Variants in RBFOX1 observed in about 807,000 individuals in gnomAD.
RBFOX1 encodes RNA binding protein fox-1 homolog 1.
RBFOX1 carries 8 observed loss-of-function variants against 57.7 expected under a neutral mutation model. That is an observed-to-expected ratio of 0.14 (90% confidence interval 0.08 to 0.25). The LOEUF is 0.25. Ranked by LOEUF, RBFOX1 falls within the 10% of genes least tolerant of loss-of-function variation. RBFOX1 has a pLI of 1.00. For missense variants in RBFOX1, 611 were observed against 548.5 expected (o/e 1.11, Z -1.14); for synonymous variants, 326 against 222.4 (o/e 1.47, Z -4.15).
intron 3 of RBFOX1, among the ~76,000 whole-genome samples, chr16:6,852,969 C>G (rs757326414): frequency 1.3e-5 from 2 of 152,248 alleles, no homozygotes; most frequent in Non-Finnish European, 1.5e-5. Context: ...ATCAAGAGAC[C>G]ATGTGAGCCC....
At chr16:6,284,790 A>G (rs775700062) in intron 1 of RBFOX1, among the ~76,000 whole-genome samples, 3 of 152,124 alleles carry the variant, frequency 2.0e-5, no homozygotes, top group Non-Finnish European at 4.4e-5. Context: ...TAGGTGGTTT[A>G]TGCTAGGTTG....
intron 13 of RBFOX1, among the ~76,000 whole-genome samples, chr16:7,673,120 T>C (rs1045394069): frequency 6.6e-6 from 1 of 152,066 alleles, no homozygotes; most frequent in South Asian, 2.1e-4. Flanking sequence ...ACGTACATGT[T>C]ACAGTCCTAC....
chr16:6,724,551 A>C (rs376544206), intron 3 of RBFOX1, among the ~76,000 whole-genome samples: 1 of 151,874 alleles, frequency 6.6e-6, no homozygotes, highest in African/African-American at 2.4e-5. Flanking sequence ...CCAGACACCA[A>C]ATCTACCAGG....
At chr16:6,501,953 G>A (rs1271232307) in intron 2 of RBFOX1, among the ~76,000 whole-genome samples, 8 of 152,156 alleles carry the variant, frequency 5.3e-5, no homozygotes, top group Non-Finnish European at 1.2e-4. Context: ...GAACAAAATA[G>A]ATAAGATTTC....
At chr16:7,294,727 C>A (rs748608638) in intron 4 of RBFOX1, among the ~76,000 whole-genome samples, 7 of 151,926 alleles carry the variant, frequency 4.6e-5, no homozygotes, top group African/African-American at 1.5e-4. Flanking sequence ...TAGAGTAGTT[C>A]TTCACAAAAG....
intron 3 of RBFOX1, among the ~76,000 whole-genome samples, chr16:6,931,325 CTATCTATCTATCTCT>C: frequency 7.9e-6 from 1 of 127,200 alleles, no homozygotes; most frequent in East Asian, 2.3e-4. Context: ...ATCTATCTAT[CTATCTATCTATCTCT>C]ACACACACAC....
chr16:7,061,641 C>T (rs2054315546), intron 4 of RBFOX1, among the ~76,000 whole-genome samples: 1 of 152,162 alleles, frequency 6.6e-6, no homozygotes. Context: ...TTTAATTTAG[C>T]CTATTATCCC....
chr16:6,403,380 A>T (rs1042257139), intron 2 of RBFOX1, among the ~76,000 whole-genome samples: 8 of 151,806 alleles, frequency 5.3e-5, no homozygotes, highest in African/African-American at 9.7e-5. Flanking sequence ...CTTTTTTTTT[A>T]AATAGAGGAT....
At chr16:7,346,659 G>A (rs1271738195) in intron 4 of RBFOX1, among the ~76,000 whole-genome samples, 1 of 151,904 alleles carries the variant, frequency 6.6e-6, no homozygotes, top group Non-Finnish European at 1.5e-5. Flanking sequence ...AAGCCTTTGT[G>A]TTCAGATCTG....
chr16:5,980,890 C>G (rs2060158776), intron 4 of RBFOX1, among the ~76,000 whole-genome samples: 2 of 152,154 alleles, frequency 1.3e-5, no homozygotes, highest in South Asian at 4.1e-4. Flanking sequence ...TTTGTTTACA[C>G]TGGGCTTGCT....
In RBFOX1 at chr16:6,555,714, CAAAA is replaced by C. The variant is rs780318659; in HGVS notation, c.-63-98888_-63-98885del. Reference sequence around the variant, plus strand: ...GACTCTGTCTGAAAAAAAAACAAAACAAAACAAACAAACAAAAAAGATATCATTC... The same window carrying C: ...GACTCTGTCTGAAAAAAAAACAAAACCAAACAAACAAAAAAGATATCATTC... On this transcript the variant is annotated intron_variant, in intron 2 of 15. Transcript: ENST00000550418. 1.8e-4 allele frequency among the ~76,000 whole-genome samples: 28 copies of C among 151,972 alleles called. No homozygotes were observed. The East Asian group carries it at 4.3e-3, about 23-fold the overall frequency.
chr16:5,737,930 A>G (rs1011739380), intron 3 of RBFOX1, among the ~76,000 whole-genome samples: 2 of 152,176 alleles, frequency 1.3e-5, no homozygotes, highest in Admixed American at 6.5e-5. Context: ...ATAGGTACAC[A>G]TGTGCCACAG....
chr16:5,778,367 T>C (rs1272190120), intron 3 of RBFOX1, among the ~76,000 whole-genome samples: 4 of 152,142 alleles, frequency 2.6e-5, no homozygotes, highest in Admixed American at 2.6e-4. Flanking sequence ...CCTGGCTAGT[T>C]CTCTGATCAC....
chr16:5,450,745 T>C (rs2068398918), intron 1 of RBFOX1, among the ~76,000 whole-genome samples: 1 of 152,166 alleles, frequency 6.6e-6, no homozygotes, highest in Admixed American at 6.5e-5. Flanking sequence ...AGTGGGACTT[T>C]GGGCAGGAGT....
At chr16:6,071,477 C>T (rs929886) in intron 1 of RBFOX1, among the ~76,000 whole-genome samples, 47,852 of 152,090 alleles carry the variant, frequency 0.31, 8,860 homozygotes, top group Non-Finnish European at 0.42. Flanking sequence ...ACCCCAATAA[C>T]ATGAGTTTAC....
intron 3 of RBFOX1, among the ~76,000 whole-genome samples, chr16:5,798,140 A>G (rs1217435989): frequency 6.6e-6 from 1 of 152,176 alleles, no homozygotes; most frequent in Non-Finnish European, 1.5e-5. Context: ...AGGGATAAAA[A>G]TGACTAACAG....
At position 7,671,614 on chromosome 16, in the gene RBFOX1, C is replaced by A. The variant is rs758822866; in HGVS notation, c.931-5160C>A. On this transcript the variant is annotated intron_variant, in intron 13 of 15. Transcript: ENST00000550418. ...AATTGCTGCAGGTATGAAATCCCGACTGGTGGAGAAACTCATCACTATGAT... is the reference window on the plus strand; with the variant it reads ...AATTGCTGCAGGTATGAAATCCCGAATGGTGGAGAAACTCATCACTATGAT... The A allele has an allele frequency of 6.2e-7, 1 of 1,605,660 alleles. No homozygotes were observed. Among genetic ancestry groups the A allele is most frequent in the South Asian group, 1.1e-5 (1 of 90,880 alleles).
chr16:5,391,881 G>C (rs1287372685), intron 1 of RBFOX1, among the ~76,000 whole-genome samples: 1 of 120,414 alleles, frequency 8.3e-6, no homozygotes, highest in Non-Finnish European at 1.8e-5. Flanking sequence ...TATGGTGTGT[G>C]TGTGTGTATA....
intron 3 of RBFOX1, among the ~76,000 whole-genome samples, chr16:6,981,305 C>G (rs188292802): frequency 6.6e-6 from 1 of 151,814 alleles, no homozygotes; most frequent in African/African-American, 2.4e-5. Flanking sequence ...GTGTTTTGTC[C>G]CCCTCTATGT....
Sources: gnomAD v4.1 joint callset for allele counts (sites outside exome capture counted in the v4.1 genomes callset) on GRCh38, gnomAD v4.1.1 for gene constraint, MANE v1.5 for transcripts, NCBI Gene and HGNC (gene_info 2026-07-23, HGNC 2026-07-21) for gene names.